Variants in ABHD6 observed in about 807,000 individuals in gnomAD.
The protein encoded by ABHD6 is monoacylglycerol lipase ABHD6.
Under a neutral mutation model 38.8 loss-of-function variants are expected in ABHD6, and 33 were observed. The observed-to-expected ratio is 0.85, with a 90% CI of 0.64 to 1.14. ABHD6 has a LOEUF of 1.14. Ranked by LOEUF, ABHD6 falls within the 50% of genes most tolerant of loss-of-function variation. ABHD6 has a pLI of 0.00. For missense variants in ABHD6, 380 were observed against 422.6 expected (o/e 0.90, Z 0.88); for synonymous variants, 147 against 161.6 (o/e 0.91, Z 0.69).
At chr3:58,248,799 G>A (rs2097428142) in intron 1 of ABHD6, among the ~76,000 whole-genome samples, 1 of 152,206 alleles carries the variant, frequency 6.6e-6, no homozygotes. Context: ...TTGCTGATGA[G>A]AATGCAAATT....
chr3:58,239,517 T>A (rs1200784869), intron 1 of ABHD6, among the ~76,000 whole-genome samples: 3 of 152,344 alleles, frequency 2.0e-5, no homozygotes, highest in African/African-American at 7.2e-5. Context: ...TATTTTCATC[T>A]TTTTATTATT....
chr3:58,280,267 T>G (rs1325658724), intron 7 of ABHD6, among the ~76,000 whole-genome samples: 2 of 152,200 alleles, frequency 1.3e-5, no homozygotes, highest in Non-Finnish European at 2.9e-5. Flanking sequence ...GTCCCGTATT[T>G]CTTGGAAGCT....
At chr3:58,291,784 G>A (rs1433651104) in intron 9 of ABHD6, among the ~76,000 whole-genome samples, 2 of 152,100 alleles carry the variant, frequency 1.3e-5, no homozygotes, top group African/African-American at 2.4e-5. Context: ...ATCTCTCCAG[G>A]ATAGACACTC....
At chr3:58,253,458 C>G (rs1237180545) in intron 2 of ABHD6, among the ~76,000 whole-genome samples, 4 of 152,198 alleles carry the variant, frequency 2.6e-5, no homozygotes, top group Non-Finnish European at 5.9e-5. Context: ...CTTGCTTACT[C>G]CTTGAAGGTG....
intron 1 of ABHD6, among the ~76,000 whole-genome samples, chr3:58,246,034 C>T (rs1431160057): frequency 6.6e-6 from 1 of 152,180 alleles, no homozygotes; most frequent in Non-Finnish European, 1.5e-5. Context: ...GATGCTCTTT[C>T]TAGCACTTCA....
chr3:58,275,411 C>A (rs1270473184), intron 7 of ABHD6, among the ~76,000 whole-genome samples: 1 of 150,936 alleles, frequency 6.6e-6, no homozygotes, highest in African/African-American at 2.4e-5. Flanking sequence ...CTCACTGCAA[C>A]CTCTGCCTCC....
intron 6 of ABHD6, among the ~76,000 whole-genome samples, chr3:58,271,571 T>TA (rs923703804): frequency 4.6e-5 from 7 of 151,866 alleles, no homozygotes; most frequent in Admixed American, 6.6e-5. Flanking sequence ...AATAAGATCT[T>TA]AAAAAAAATC....
At chr3:58,252,582 A>G (rs1432833628) in intron 2 of ABHD6, among the ~76,000 whole-genome samples, 1 of 152,174 alleles carries the variant, frequency 6.6e-6, no homozygotes, top group East Asian at 1.9e-4. Flanking sequence ...CTGAAAAGAG[A>G]TGACTTTCCT....
chr3:58,244,076 G>T (rs2097424664), intron 1 of ABHD6, among the ~76,000 whole-genome samples: 1 of 152,206 alleles, frequency 6.6e-6, no homozygotes, highest in Non-Finnish European at 1.5e-5. Context: ...CCAGGCTCCA[G>T]GAGCATCCAT....
At chr3:58,272,779 T>C (rs1175304667) in intron 6 of ABHD6, among the ~76,000 whole-genome samples, 1 of 152,184 alleles carries the variant, frequency 6.6e-6, no homozygotes, top group Non-Finnish European at 1.5e-5. Context: ...AACTAAAAAG[T>C]AGAAATAAAT....
chr3:58,252,861 G>A (rs1401544797), intron 2 of ABHD6, among the ~76,000 whole-genome samples: 2 of 152,176 alleles, frequency 1.3e-5, no homozygotes, highest in African/African-American at 4.8e-5. Flanking sequence ...TCTTTTTAAA[G>A]GAAAGCTGAA....
At chr3:58,250,540 G>A (rs758359261) in intron 2 of ABHD6, among the ~76,000 whole-genome samples, 3 of 152,098 alleles carry the variant, frequency 2.0e-5, no homozygotes, top group Non-Finnish European at 2.9e-5. Context: ...TATGGGGTGT[G>A]AAAGAATAGC....
rs768886372 is a variant in ABHD6, at chr3:58,256,661, T to C, written c.75T>C (p.Ala25=). 6.2e-7 allele frequency: 1 copy of C among 1,613,702 alleles called. No individual in the cohort carries two copies. The highest frequency in any genetic ancestry group is 8.5e-7 in the Non-Finnish European group (1 of 1,180,034). ...TLAIPILAFV[A]SFLLWPSALI... ...CCATCCCAATCCTGGCATTTGTGGCTTCATTTCTTCTGTGGCCTTCAGCAC... is the reference window on the plus strand; with the variant it reads ...CCATCCCAATCCTGGCATTTGTGGCCTCATTTCTTCTGTGGCCTTCAGCAC... Residue 25 remains alanine, a synonymous_variant, in exon 3 of 10, where the codon GCT becomes GCC. Transcript: ENST00000478253. This position sits in a 1 kb window ranked among gnomAD's most constrained non-coding sequence, Gnocchi z 4.3.
rs1262572164 is a variant in ABHD6 at position 58,238,833 on chromosome 3, C to A, written c.-91+917C>A. ...GGCCCTCATTTATCTCGCCGCCCCC[C>A]TCCCCGCTGCTCCCGCCTGCTCAGA... On this transcript the variant is annotated intron_variant, in intron 1 of 9. Coordinates refer to ENST00000478253, the MANE Select transcript of ABHD6 (RefSeq NM_001320126.2). This position sits in a 1 kb window ranked among gnomAD's most constrained non-coding sequence, Gnocchi z 6.9. 1.3e-5 allele frequency among the ~76,000 whole-genome samples: 2 copies of A among 152,078 alleles called. No individual in the cohort carries two copies. Among genetic ancestry groups the A allele is most frequent in the African/African-American group, 4.8e-5 (2 of 41,324 alleles).
At chr3:58,283,771 G>A (rs1276321710) in intron 7 of ABHD6, among the ~76,000 whole-genome samples, 2 of 152,224 alleles carry the variant, frequency 1.3e-5, no homozygotes, top group African/African-American at 4.8e-5. Context: ...ATGTGGTTCA[G>A]GATGGATGGC....
At chr3:58,255,816 T>C (rs1159680687) in intron 2 of ABHD6, among the ~76,000 whole-genome samples, 2 of 151,934 alleles carry the variant, frequency 1.3e-5, no homozygotes, top group East Asian at 3.9e-4. Context: ...GGCTAACTTT[T>C]GTGTTTTTAG....
Position 58,259,416 on chromosome 3 carries a change from A to G in ABHD6, c.119+2711A>G, listed in dbSNP as rs2097435491. 6.6e-6 allele frequency among the ~76,000 whole-genome samples: 1 copy of G among 152,246 alleles called. No individual in the cohort carries two copies. On this transcript the variant is annotated intron_variant, in intron 3 of 9. Coordinates refer to ENST00000478253, the MANE Select transcript of ABHD6 (RefSeq NM_001320126.2). The surrounding 1 kb of genome is among the most constrained non-coding windows in gnomAD (Gnocchi z 4.7). Reference sequence around the variant, plus strand: ...AATTCAAGGCTGGGCACGATGGCTCACACCTGTAATCCCAGCACTTTGGGA... The same window carrying G: ...AATTCAAGGCTGGGCACGATGGCTCGCACCTGTAATCCCAGCACTTTGGGA...
At position 58,266,506 on chromosome 3, in the gene ABHD6, C is replaced by T. The variant is rs373378115; in HGVS notation, c.120-683C>T. ...TGTATGCTCTCACATTTTTTGTATG[C>T]GGATAAAAGTAAATGAATATATATC... On this transcript the variant is annotated intron_variant, in intron 3 of 9. Transcript: ENST00000478253. This position sits in a 1 kb window ranked among gnomAD's most constrained non-coding sequence, Gnocchi z 4.0. 3.4e-4 allele frequency among the ~76,000 whole-genome samples: 51 copies of T among 151,208 alleles called. No homozygotes were observed. The South Asian group carries it at 3.8e-3, about 11-fold the overall frequency.
Position 58,257,206 on chromosome 3 carries a change from C to T in ABHD6, c.119+501C>T, listed in dbSNP as rs180948207. On this transcript the variant is annotated intron_variant, in intron 3 of 9. Transcript: ENST00000478253. This position sits in a 1 kb window ranked among gnomAD's most constrained non-coding sequence, Gnocchi z 4.8. ...ACAGGCATGAGCCATCATACCCGGC[C>T]CTTTTAGGTTTCTGATAGCATCTTT... Among the ~76,000 whole-genome samples the T allele has an allele frequency of 4.1e-4, 62 of 152,184 alleles. No individual in the cohort carries two copies. The East Asian group carries it at 0.011, about 27-fold the overall frequency.
Sources: gnomAD v4.1 joint callset for allele counts (sites outside exome capture counted in the v4.1 genomes callset) on GRCh38, gnomAD v4.1.1 for gene constraint, Gnocchi (gnomAD v3.1) non-coding constraint, MANE v1.5 for transcripts, NCBI Gene and HGNC (gene_info 2026-07-23, HGNC 2026-07-21) for gene names.